SLC6A17: variants seen among roughly 807,000 people sequenced by gnomAD.
SLC6A17 encodes the protein sodium-dependent neutral amino acid transporter SLC6A17.
Under a neutral mutation model 64.5 loss-of-function variants are expected in SLC6A17, and 21 were observed. The ratio of observed to expected loss-of-function variants is 0.33; its 90% CI spans 0.23 to 0.47. The LOEUF is 0.47. SLC6A17 is among the 20% of genes least tolerant of loss of function. The probability of loss-of-function intolerance (pLI) is 1.00; values close to 1 mark genes in which losing one functional copy is unlikely to be tolerated. For synonymous variants in SLC6A17, 372 were observed against 399.5 expected, an observed-to-expected ratio of 0.93 and a Z score of 0.82; for missense variants, 682 against 963.2, an observed-to-expected ratio of 0.71 and a Z score of 3.86.
rs777035273 is a variant in SLC6A17 at position 110,150,709 on chromosome 1, A to C, written c.-262A>C. The stretch of plus-strand genomic sequence containing the variant: ...GCCAGGTTGGGACTGGTGGTGAGGC[A>C]GGGAGTGAGGAGCGAGCGGAGTCGC... On this transcript the variant is annotated 5_prime_UTR_variant, in exon 1 of 12. Coordinates refer to ENST00000331565, the MANE Select transcript of SLC6A17 (RefSeq NM_001010898.4). 1 of 152,208 alleles carries C rather than the reference A, an allele frequency of 6.6e-6. No individual in the cohort carries two copies. The allele number at this position is 152,208 out of a possible 1,614,324, so 9.4% of individuals were successfully genotyped here. A position where few individuals can be genotyped will look rare whatever the true frequency, so the allele number is the denominator to read the frequency against.
chr1:110,191,244 T>C (rs1311047376), intron 6 of SLC6A17, among the ~76,000 whole-genome samples: 1 of 152,218 alleles, frequency 6.6e-6, no homozygotes, highest in Non-Finnish European at 1.5e-5. Flanking sequence ...TAAAGCTCTG[T>C]GCTGGGTCCA....
intron 10 of SLC6A17, among the ~76,000 whole-genome samples, chr1:110,196,382 A>C (rs1656969339): frequency 6.6e-6 from 1 of 152,058 alleles, no homozygotes; most frequent in African/African-American, 2.4e-5. Context: ...CCACTAACCC[A>C]CTTGGTCTGA....
rs1401793836 is a variant in SLC6A17 at position 110,192,889 on chromosome 1, AG to A, written c.1299+193del. Among the ~76,000 whole-genome samples the A allele has an allele frequency of 6.6e-6, 1 of 152,242 alleles. No individual in the cohort carries two copies. Among genetic ancestry groups the A allele is most frequent in the African/African-American group, 2.4e-5 (1 of 41,462 alleles). ...TTGGCCAAAGTCCCTGCCCAGAGGT[AG>A]GCTTGAGCCTAGACAAGAAGTAGGG... On this transcript the variant is annotated intron_variant, in intron 8 of 11. Transcript: ENST00000331565. This position sits in a 1 kb window ranked among gnomAD's most constrained non-coding sequence, Gnocchi z 4.3.
chr1:110,172,303 C>A, intron 3 of SLC6A17, 86 bp downstream of exon 3: 1 of 1,476,236 alleles, frequency 6.8e-7, no homozygotes. Flanking sequence ...GTTTCCAGGC[C>A]AGAGTCCTAC....
At chr1:110,158,358 G>A (rs1655814337) in intron 1 of SLC6A17, among the ~76,000 whole-genome samples, 1 of 152,224 alleles carries the variant, frequency 6.6e-6, no homozygotes, top group Admixed American at 6.5e-5. Context: ...GGAGAACTGA[G>A]CCCCAGTATC....
In SLC6A17 at chr1:110,194,623, C is replaced by G; in HGVS notation, c.1344C>G (p.Ala448=). The change falls in exon 9 of 12, where the codon GCC becomes GCG. Residue 448 remains alanine, a synonymous_variant. Coordinates refer to ENST00000331565, the MANE Select transcript of SLC6A17 (RefSeq NM_001010898.4). ...TGLAFIAFTE[A]MTHFPASPFW... ...TGGCCTTCATCGCCTTCACTGAGGC[C>G]ATGACGCACTTCCCCGCCTCCCCGT... The G allele has an allele frequency of 6.2e-7, 1 of 1,614,194 alleles. No homozygotes were observed. The highest frequency in any genetic ancestry group is 8.5e-7 in the Non-Finnish European group (1 of 1,180,036).
rs1020603409 is a variant in SLC6A17 at position 110,200,371 on chromosome 1, C to G, written c.*1927C>G. On this transcript the variant is annotated 3_prime_UTR_variant, in exon 12 of 12. Transcript: ENST00000331565. ...TTGGGGCACAACATCCCACCGCAGTCCCCCTCACCCGACAACACCTCCTAC... is the reference window on the plus strand; with the variant it reads ...TTGGGGCACAACATCCCACCGCAGTGCCCCTCACCCGACAACACCTCCTAC... 3.0e-6 allele frequency: 1 copy of G among 330,906 alleles called. No individual in the cohort carries two copies. Among genetic ancestry groups the G allele is most frequent in the East Asian group, 4.6e-5 (1 of 21,744 alleles). The allele number at this position is 330,906 out of a possible 1,614,324, so 20.5% of individuals were successfully genotyped here. A position where few individuals can be genotyped will look rare whatever the true frequency, so the allele number is the denominator to read the frequency against.
intron 1 of SLC6A17, among the ~76,000 whole-genome samples, chr1:110,158,741 G>A (rs1314797317): frequency 6.6e-6 from 1 of 152,208 alleles, no homozygotes; most frequent in African/African-American, 2.4e-5. Context: ...TAGCATTGAG[G>A]TTGAGAGTCA....
intron 1 of SLC6A17, among the ~76,000 whole-genome samples, chr1:110,165,780 C>T (rs555487232): frequency 1.3e-5 from 2 of 152,260 alleles, no homozygotes; most frequent in African/African-American, 4.8e-5. Context: ...CTTCCAGAGA[C>T]AGCTCTTTCC....
Position 110,192,687 on chromosome 1 carries a change from G to A in SLC6A17, c.1288G>A (p.Glu430Lys), listed in dbSNP as rs755070893. The A allele has an allele frequency of 3.7e-6, 6 of 1,613,302 alleles. No homozygotes were observed. The highest frequency in any genetic ancestry group is 5.1e-6 in the Non-Finnish European group (6 of 1,179,588). Residue 430 changes from glutamate to lysine, a missense_variant, in exon 8 of 12, where the codon GAG (glutamate) becomes AAG (lysine). Physicochemically the swap from Glu to Lys is moderately conservative, Grantham distance 56. This residue lies in a region of SLC6A17 where 415 missense variants were observed against 603.8 expected (regional missense o/e 0.69). Coordinates refer to ENST00000331565, the MANE Select transcript of SLC6A17 (RefSeq NM_001010898.4). The surrounding 1 kb of genome is among the most constrained non-coding windows in gnomAD (Gnocchi z 4.3). ...LGLDPCLLED[E>K]LDKSVQGTGL... ...CCTTGACCCCTGCCTTCTGGAGGAC[G>A]AGCTGGACAAGGTGCGGGGACAGGC...
intron 6 of SLC6A17, among the ~76,000 whole-genome samples, chr1:110,181,548 G>A (rs960339709): frequency 7.9e-5 from 12 of 152,250 alleles, no homozygotes; most frequent in African/African-American, 2.9e-4. Context: ...CTGGTGGAGG[G>A]AGACAGATGT....
chr1:110,162,207 G>C (rs1222202965), intron 1 of SLC6A17, among the ~76,000 whole-genome samples: 2 of 152,244 alleles, frequency 1.3e-5, no homozygotes, highest in East Asian at 1.9e-4. Context: ...GGGATAATTA[G>C]AATACGGCTG....
chr1:110,176,146 G>C (rs372018036), intron 5 of SLC6A17, among the ~76,000 whole-genome samples: 2 of 152,166 alleles, frequency 1.3e-5, no homozygotes, highest in East Asian at 3.9e-4. Flanking sequence ...TGCTGTGGTA[G>C]AGAAGAGCAC....
intron 1 of SLC6A17, 27 bp from the exon 2 acceptor site, chr1:110,166,816 T>A: frequency 2.2e-6 from 3 of 1,373,484 alleles, no homozygotes; most frequent in Non-Finnish European, 2.9e-6. Context: ...GGTCAGATAA[T>A]CCTTTACTGC....
intron 1 of SLC6A17, among the ~76,000 whole-genome samples, chr1:110,164,266 C>T (rs1272224809): frequency 6.6e-6 from 1 of 152,194 alleles, no homozygotes; most frequent in African/African-American, 2.4e-5. Flanking sequence ...CACTCCCACA[C>T]CCAGTGATCT....
At position 110,195,612 on chromosome 1, in the gene SLC6A17, G is replaced by T. The variant is rs1164934275; in HGVS notation, c.1519G>T (p.Val507Leu). 1.2e-6 allele frequency: 2 copies of T among 1,614,088 alleles called. No individual in the cohort carries two copies. Among genetic ancestry groups the T allele is most frequent in the South Asian group, 1.1e-5 (1 of 91,090 alleles). ...GGGCTGCTGTGTCTTTGCATTCCTC[G>T]TGGGGCTGTTGTTCGTCCAGCGCTC... The part of the protein sequence containing the change: ...TVGCCVFAFL[V>L]GLLFVQRSGN... The change falls in exon 10 of 12, where the codon GTG (valine) becomes TTG (leucine). Residue 507 changes from valine to leucine, a missense_variant. Coordinates refer to ENST00000331565, the MANE Select transcript of SLC6A17 (RefSeq NM_001010898.4).
intron 2 of SLC6A17, among the ~76,000 whole-genome samples, chr1:110,168,774 A>T (rs1656141978): frequency 6.6e-6 from 1 of 152,192 alleles, no homozygotes; most frequent in Non-Finnish European, 1.5e-5. Context: ...CTTGGTGATG[A>T]ATTCCAGAAT....
chr1:110,157,989 T>TC (rs1037745748), intron 1 of SLC6A17, among the ~76,000 whole-genome samples: 16 of 152,318 alleles, frequency 1.1e-4, no homozygotes, highest in Admixed American at 6.5e-5. Context: ...CTGTGCTCCA[T>TC]CCCCTCATAC....
chr1:110,197,054 G>A lies in SLC6A17; in HGVS notation c.1653-383G>A, dbSNP rs1160200063. The stretch of plus-strand genomic sequence containing the variant: ...GAGTCAGGGCAGCTCTCTACCTTTG[G>A]ACTCTAGAGAAGTGCACTTCTACTG... On this transcript the variant is annotated intron_variant, in intron 10 of 11. Coordinates refer to ENST00000331565, the MANE Select transcript of SLC6A17 (RefSeq NM_001010898.4). Among the ~76,000 whole-genome samples, 5 of 152,296 alleles carry A rather than the reference G, an allele frequency of 3.3e-5. 1 individual carries two copies. In the South Asian group the frequency reaches 1.0e-3, roughly 32 times the overall value.
Sources: gnomAD v4.1 joint callset for allele counts (sites outside exome capture counted in the v4.1 genomes callset) on GRCh38, gnomAD v4.1.1 for gene constraint, gnomAD v4.1.1 regional missense constraint, Gnocchi (gnomAD v3.1) non-coding constraint, MANE v1.5 for transcripts, NCBI Gene and HGNC (gene_info 2026-07-23, HGNC 2026-07-21) for gene names.